FAAH2: variants seen among roughly 807,000 people sequenced by gnomAD.
The protein encoded by FAAH2 is fatty acid amide hydrolase 2, also known as fatty-acid amide hydrolase 2.
Under a neutral mutation model 36.9 loss-of-function variants are expected in FAAH2, and 60 were observed. That is an observed-to-expected ratio of 1.63 (90% CI 1.32 to 2.02). The LOEUF (loss-of-function observed/expected upper bound fraction) is 2.02, where lower values mean the gene tolerates loss of function less well. FAAH2 is among the 30% of genes most tolerant of loss of function. The probability of loss-of-function intolerance (pLI) is 0.00; values close to 1 mark genes in which losing one functional copy is unlikely to be tolerated. For missense variants in FAAH2, 689 were observed against 397.5 expected, an observed-to-expected ratio of 1.73 and a Z score of -6.23; for synonymous variants, 214 against 143.8, an observed-to-expected ratio of 1.49 and a Z score of -3.49.
chrX:57,469,633 C>T (rs774826768), intron 10 of FAAH2, among the ~76,000 whole-genome samples: 1 of 111,577 alleles, frequency 9.0e-6, no homozygotes, highest in African/African-American at 3.3e-5. Context: ...GAATTACACT[C>T]CAACACAATA....
chrX:57,275,440 A>G, the FAAH2 span, among the ~76,000 whole-genome samples: 1 of 112,024 alleles, frequency 8.9e-6, no homozygotes, highest in Non-Finnish European at 1.9e-5. Context: ...AACATGGAAA[A>G]AGACAACCAG....
intron 5 of FAAH2, among the ~76,000 whole-genome samples, chrX:57,374,078 C>T (rs1339352230): frequency 1.8e-5 from 2 of 111,604 alleles, no homozygotes; most frequent in African/African-American, 6.5e-5. Flanking sequence ...GTATATGTGC[C>T]CATTTTTACA....
intron 8 of FAAH2, among the ~76,000 whole-genome samples, chrX:57,441,009 T>C (rs1387703098): frequency 9.0e-6 from 1 of 111,721 alleles, no homozygotes; most frequent in African/African-American, 3.3e-5. Context: ...TTTGCCAGTA[T>C]TTTATTGAGG....
At chrX:57,126,287 A>G in the FAAH2 span, among the ~76,000 whole-genome samples, 1 of 112,455 alleles carries the variant, frequency 8.9e-6, no homozygotes, top group East Asian at 2.8e-4. Flanking sequence ...GCTGCAAAAT[A>G]TATTTAACTG....
At chrX:57,137,364 G>T in the FAAH2 span, 5 of 756,239 alleles carry the variant, frequency 6.6e-6, no homozygotes, top group Non-Finnish European at 6.2e-6. Flanking sequence ...TAGATGAGGA[G>T]CGTGTGTAGG....
intron 10 of FAAH2, among the ~76,000 whole-genome samples, chrX:57,488,407 A>G (rs1402225519): frequency 8.9e-6 from 1 of 111,755 alleles, no homozygotes; most frequent in Non-Finnish European, 1.9e-5. Flanking sequence ...ATGGAAAACA[A>G]ATTAGAAATA....
chrX:57,163,768 A>C, the FAAH2 span, among the ~76,000 whole-genome samples: 11 of 111,899 alleles, frequency 9.8e-5, no homozygotes, highest in South Asian at 7.5e-4. Flanking sequence ...GTCTGGCACT[A>C]CCTAGTGAGA....
the FAAH2 span, among the ~76,000 whole-genome samples, chrX:57,231,235 C>T: frequency 9.0e-6 from 1 of 110,698 alleles, no homozygotes; most frequent in African/African-American, 3.3e-5. Context: ...GATTTTCTGG[C>T]CATTATAGGT....
At chrX:57,127,369 G>GA in the FAAH2 span, 1 of 110,886 alleles carries the variant, frequency 9.0e-6, no homozygotes, top group South Asian at 3.8e-4. Context: ...TGCACTATAA[G>GA]AAAAAATATA....
chrX:57,175,595 A>G, the FAAH2 span, among the ~76,000 whole-genome samples: 1 of 111,584 alleles, frequency 9.0e-6, no homozygotes, highest in Non-Finnish European at 1.9e-5. Context: ...GTGAGGTACT[A>G]TTCCAGTCTT....
chrX:57,240,482 A>T, the FAAH2 span, among the ~76,000 whole-genome samples: 1 of 111,532 alleles, frequency 9.0e-6, no homozygotes, highest in African/African-American at 3.3e-5. Flanking sequence ...GAGTAGTGGC[A>T]GTGGGTTCCA....
chrX:57,446,720 C>G (rs763431149), intron 8 of FAAH2, among the ~76,000 whole-genome samples: 1 of 111,543 alleles, frequency 9.0e-6, no homozygotes, highest in East Asian at 2.8e-4. Context: ...CACAATATTT[C>G]AAGTTTTATC....
At chrX:57,130,293 T>C in the FAAH2 span, among the ~76,000 whole-genome samples, 2 of 112,511 alleles carry the variant, frequency 1.8e-5, no homozygotes, top group Non-Finnish European at 3.8e-5. Context: ...GTTCGGGCTA[T>C]TGTATGGAGA....
upstream of FAAH2, among the ~76,000 whole-genome samples, chrX:57,283,387 G>T (rs1051882951): frequency 9.0e-6 from 1 of 111,431 alleles, no homozygotes; most frequent in Admixed American, 9.5e-5. Flanking sequence ...GGGAAGAGTC[G>T]GGGTTCGAGG....
At chrX:57,274,769 G>A in the FAAH2 span, among the ~76,000 whole-genome samples, 34 of 111,605 alleles carry the variant, frequency 3.0e-4, no homozygotes, top group South Asian at 7.6e-4. Flanking sequence ...AATAATAAGA[G>A]CTATTTATGA....
intron 7 of FAAH2, among the ~76,000 whole-genome samples, chrX:57,417,712 G>A (rs1290042771): frequency 8.9e-6 from 1 of 111,884 alleles, no homozygotes; most frequent in African/African-American, 3.2e-5. Context: ...AGCAGTCAGG[G>A]ATCCACTTGA....
intron 3 of FAAH2, among the ~76,000 whole-genome samples, chrX:57,325,472 AC>A (rs2053186781): frequency 9.0e-6 from 1 of 110,932 alleles, no homozygotes; most frequent in Admixed American, 9.6e-5. Flanking sequence ...CTGGTCCTGA[AC>A]TTTTTTTGGT....
At chrX:57,378,558 A>T in intron 5 of FAAH2, 93 bp from the exon 6 acceptor site, 2 of 1,088,796 alleles carry the variant, frequency 1.8e-6, no homozygotes, top group Non-Finnish European at 2.5e-6. Context: ...CAGGAGAAAA[A>T]GTATTTAAGA....
chrX:57,241,511 T>G, the FAAH2 span, among the ~76,000 whole-genome samples: 6,341 of 112,083 alleles, frequency 0.057, 454 homozygotes, highest in African/African-American at 0.2. Flanking sequence ...CTTCTTTTCT[T>G]TAAATAGCTA....
Sources: allele counts gnomAD v4.1 joint callset (sites outside exome capture counted in the v4.1 genomes callset), GRCh38; gene constraint gnomAD v4.1.1; transcripts MANE v1.5; gene names NCBI Gene and HGNC (gene_info 2026-07-23, HGNC 2026-07-21).